Variants in NEK6 observed in about 807,000 individuals in gnomAD.
NEK6 encodes the protein serine/threonine-protein kinase Nek6.
Under a neutral mutation model 43.5 loss-of-function variants are expected in NEK6, and 27 were observed. The ratio of observed to expected loss-of-function variants is 0.62; its 90% CI spans 0.46 to 0.86. NEK6 has a LOEUF of 0.86. NEK6 is among the 40% of genes least tolerant of loss of function. The pLI is 0.00. For synonymous variants in NEK6, 167 were observed against 164.1 expected, an observed-to-expected ratio of 1.02 and a Z score of -0.14; for missense variants, 318 against 414.4, an observed-to-expected ratio of 0.77 and a Z score of 2.02.
chr9:124,319,371 A>G (rs114121218), intron 4 of NEK6, among the ~76,000 whole-genome samples: 1,815 of 152,098 alleles, frequency 0.012, 25 homozygotes, highest in African/African-American at 0.04. Context: ...TCAGATGCAT[A>G]GTTTATGAAT....
chr9:124,264,605 GAC>G (rs1279155491), intron 1 of NEK6, among the ~76,000 whole-genome samples: 1 of 152,150 alleles, frequency 6.6e-6, no homozygotes, highest in Non-Finnish European at 1.5e-5. Flanking sequence ...AGGAGTTTGA[GAC>G]CAGCCCAGCC....
chr9:124,330,111 C>G (rs987882422), intron 7 of NEK6, among the ~76,000 whole-genome samples: 6 of 152,178 alleles, frequency 3.9e-5, no homozygotes, highest in African/African-American at 1.2e-4. Flanking sequence ...TAACACGAGG[C>G]TGGCATGAAA....
chr9:124,278,967 A>G (rs1831772567), intron 1 of NEK6, among the ~76,000 whole-genome samples: 1 of 152,192 alleles, frequency 6.6e-6, no homozygotes, highest in Admixed American at 6.5e-5. Context: ...ACACAGTCTC[A>G]TCTTCAGTAG....
chr9:124,310,230 A>T (rs1833461279), intron 2 of NEK6, among the ~76,000 whole-genome samples: 1 of 152,210 alleles, frequency 6.6e-6, no homozygotes, highest in African/African-American at 2.4e-5. Context: ...TGAAATGGGG[A>T]CAGCAGTGAG....
chr9:124,312,202 C>A (rs1202652190), intron 2 of NEK6, among the ~76,000 whole-genome samples: 1 of 152,196 alleles, frequency 6.6e-6, no homozygotes, highest in Non-Finnish European at 1.5e-5. Flanking sequence ...ACGGAGCTAG[C>A]CCCCAGGGAT....
At chr9:124,334,968 G>A (rs1405929451) in intron 7 of NEK6, among the ~76,000 whole-genome samples, 1 of 152,210 alleles carries the variant, frequency 6.6e-6, no homozygotes, top group Non-Finnish European at 1.5e-5. Context: ...GGTCAGACAG[G>A]AAGGGGCTTG....
At chr9:124,272,468 A>T (rs998673482) in intron 1 of NEK6, among the ~76,000 whole-genome samples, 1 of 152,260 alleles carries the variant, frequency 6.6e-6, no homozygotes, top group African/African-American at 2.4e-5. Context: ...TGGCTGCCAC[A>T]AAGAATGGAG....
In NEK6 at chr9:124,292,486, T is replaced by C; in HGVS notation, c.-29-9450T>C. 3 of 1,537,076 alleles carry C rather than the reference T, an allele frequency of 2.0e-6. No homozygotes were observed. In the South Asian group the frequency reaches 3.6e-5, roughly 18 times the overall value. On this transcript the variant is annotated intron_variant, in intron 1 of 9. Coordinates refer to ENST00000320246, the MANE Select transcript of NEK6 (RefSeq NM_014397.6). ...AGGGGAGGCCACGGGCTTGAAAGCTTTCCCTGCATGGAGGCCACTGGATGG... is the reference window on the plus strand; with the variant it reads ...AGGGGAGGCCACGGGCTTGAAAGCTCTCCCTGCATGGAGGCCACTGGATGG...
In NEK6 at chr9:124,343,018, C is replaced by T. The variant is rs1004141862; in HGVS notation, c.717+3353C>T. On this transcript the variant is annotated intron_variant, in intron 8 of 9. Coordinates refer to ENST00000320246, the MANE Select transcript of NEK6 (RefSeq NM_014397.6). The surrounding 1 kb of genome is among the most constrained non-coding windows in gnomAD (Gnocchi z 5.1). ...TTTGTCTCGGCTCTGCAGAGGCAGG[C>T]ACAGCCCATCCTGTGCCAGGCCTCA... is the stretch of plus-strand genomic sequence containing the variant. Among the ~76,000 whole-genome samples, 1 of 152,194 alleles carries T rather than the reference C, an allele frequency of 6.6e-6. No homozygotes were observed. The highest frequency in any genetic ancestry group is 1.5e-5 in the Non-Finnish European group (1 of 68,016).
Position 124,277,186 on chromosome 9 carries a change from T to A in NEK6, c.-30+19101T>A, listed in dbSNP as rs1298948959. On this transcript the variant is annotated intron_variant, in intron 1 of 9. Coordinates refer to ENST00000320246, the MANE Select transcript of NEK6 (RefSeq NM_014397.6). ...TGGGCCGGGTGTGGTGGCTCACACC[T>A]GTAATTCCAGCACTTTGGGAGGCCA... 5.9e-5 allele frequency among the ~76,000 whole-genome samples: 9 copies of A among 152,332 alleles called. No individual in the cohort carries two copies. The East Asian group carries it at 1.7e-3, about 29-fold the overall frequency.
At chr9:124,346,396 T>C (rs989199132) in intron 8 of NEK6, among the ~76,000 whole-genome samples, 3 of 151,956 alleles carry the variant, frequency 2.0e-5, no homozygotes. Context: ...CAAGGACTCC[T>C]CCCCGCTCAG....
chr9:124,325,223 C>A (rs1026590016), intron 5 of NEK6, among the ~76,000 whole-genome samples: 1 of 152,028 alleles, frequency 6.6e-6, no homozygotes, highest in African/African-American at 2.4e-5. Context: ...AGGTGGGAGG[C>A]CTGGGGCTGA....
At chr9:124,260,386 T>TTTTA (rs906935947) in intron 1 of NEK6, among the ~76,000 whole-genome samples, 31 of 152,134 alleles carry the variant, frequency 2.0e-4, no homozygotes, top group South Asian at 4.1e-4. Context: ...CCCCATTTAT[T>TTTTA]TTTATTTATT....
At chr9:124,295,992 A>T (rs989972535) in intron 1 of NEK6, among the ~76,000 whole-genome samples, 6 of 152,194 alleles carry the variant, frequency 3.9e-5, no homozygotes, top group African/African-American at 1.4e-4. Flanking sequence ...TCACCCGTGG[A>T]TGTTGGCTGA....
chr9:124,313,373 T>G lies in NEK6; in HGVS notation c.232-550T>G, dbSNP rs533354356. 4.6e-5 allele frequency among the ~76,000 whole-genome samples: 7 copies of G among 151,420 alleles called. No individual in the cohort carries two copies. In the South Asian group the frequency reaches 1.5e-3, roughly 32 times the overall value. On this transcript the variant is annotated intron_variant, in intron 3 of 9. Coordinates refer to ENST00000320246, the MANE Select transcript of NEK6 (RefSeq NM_014397.6). Reference sequence around the variant, plus strand: ...AAAAAAGGACCAGTTTCTCTCTTGATCTTGTTTTTTTTTTGAGATAGAGTC... The same window carrying G: ...AAAAAAGGACCAGTTTCTCTCTTGAGCTTGTTTTTTTTTTGAGATAGAGTC...
At chr9:124,262,017 A>G (rs914940534) in intron 1 of NEK6, among the ~76,000 whole-genome samples, 12 of 150,738 alleles carry the variant, frequency 8.0e-5, no homozygotes, top group African/African-American at 2.7e-4. Context: ...GGAACTTTAC[A>G]TGGAACATGG....
rs186806807 is a variant in NEK6 at position 124,269,923 on chromosome 9, A to G, written c.-30+11838A>G. Reference sequence around the variant, plus strand: ...CCCTGCAGTGCCCTGGGAGGAATCAACTGACAGCCCTTTCAGTCTCCCACA... The same window carrying G: ...CCCTGCAGTGCCCTGGGAGGAATCAGCTGACAGCCCTTTCAGTCTCCCACA... On this transcript the variant is annotated intron_variant, in intron 1 of 9. Coordinates refer to ENST00000320246, the MANE Select transcript of NEK6 (RefSeq NM_014397.6). 3.3e-5 allele frequency among the ~76,000 whole-genome samples: 5 copies of G among 152,190 alleles called. No homozygotes were observed. The East Asian group carries it at 9.6e-4, about 29-fold the overall frequency.
chr9:124,269,514 C>T (rs1051133597), intron 1 of NEK6, among the ~76,000 whole-genome samples: 1 of 152,088 alleles, frequency 6.6e-6, no homozygotes, highest in Non-Finnish European at 1.5e-5. Context: ...GCTGGGATTA[C>T]AGGCACCCAC....
intron 1 of NEK6, chr9:124,291,769 C>A (rs905134096): frequency 1.0e-6 from 1 of 968,484 alleles, no homozygotes; most frequent in African/African-American, 1.8e-5. Context: ...CTGGTCTAAT[C>A]GGGTGGTGCT....
Sources: gnomAD v4.1 joint callset for allele counts (sites outside exome capture counted in the v4.1 genomes callset) on GRCh38, gnomAD v4.1.1 for gene constraint, Gnocchi (gnomAD v3.1) non-coding constraint, MANE v1.5 for transcripts, NCBI Gene and HGNC (gene_info 2026-07-23, HGNC 2026-07-21) for gene names.